FAAH2: variants seen among roughly 807,000 people sequenced by gnomAD.
The protein encoded by FAAH2 is fatty acid amide hydrolase 2.
A neutral mutation model predicts 36.9 loss-of-function variants in FAAH2; 60 were observed. The observed-to-expected ratio is 1.63, with a 90% CI of 1.32 to 2.02. The LOEUF (loss-of-function observed/expected upper bound fraction) is 2.02, where lower values mean the gene tolerates loss of function less well. Among genes scored for constraint, FAAH2 ranks in the 30% most tolerant of loss-of-function variants. The pLI is 0.00. For missense variants in FAAH2, 689 were observed against 397.5 expected, an observed-to-expected ratio of 1.73 and a Z score of -6.23; for synonymous variants, 214 against 143.8, an observed-to-expected ratio of 1.49 and a Z score of -3.49.
chrX:57,475,686 G>C (rs958655183), intron 10 of FAAH2, among the ~76,000 whole-genome samples: 3 of 111,638 alleles, frequency 2.7e-5, no homozygotes, highest in Non-Finnish European at 5.7e-5. Context: ...GCTCTTTTCT[G>C]GTTCCATATG....
At chrX:57,366,116 C>A (rs974949810) in intron 5 of FAAH2, among the ~76,000 whole-genome samples, 2 of 105,005 alleles carry the variant, frequency 1.9e-5, no homozygotes, top group Non-Finnish European at 4.0e-5. Context: ...TCTAATGTTG[C>A]CAGAGTTCTT....
At chrX:57,321,823 G>A (rs918892043) in intron 3 of FAAH2, among the ~76,000 whole-genome samples, 11 of 111,317 alleles carry the variant, frequency 9.9e-5, no homozygotes, top group African/African-American at 3.6e-4. Context: ...AGATTTGTTT[G>A]TGTTTTTGCT....
the FAAH2 span, among the ~76,000 whole-genome samples, chrX:57,255,488 G>A: frequency 8.1e-5 from 9 of 111,757 alleles, no homozygotes; most frequent in Non-Finnish European, 1.3e-4. Context: ...AGAATTTTAG[G>A]CCAATATCCC....
At chrX:57,217,064 T>A in the FAAH2 span, among the ~76,000 whole-genome samples, 1 of 111,472 alleles carries the variant, frequency 9.0e-6, no homozygotes, top group South Asian at 3.8e-4. Flanking sequence ...TGTTGGCCAT[T>A]TGTATATCTT....
intron 10 of FAAH2, among the ~76,000 whole-genome samples, chrX:57,460,508 A>G (rs2056939776): frequency 8.9e-6 from 1 of 111,955 alleles, no homozygotes; most frequent in Admixed American, 9.5e-5. Context: ...AGTATTCTCA[A>G]AGAAAAGAAT....
intron 7 of FAAH2, among the ~76,000 whole-genome samples, chrX:57,413,580 GT>G (rs1157575847): frequency 9.0e-6 from 1 of 111,347 alleles, no homozygotes; most frequent in Admixed American, 9.6e-5. Flanking sequence ...TTATCTATAT[GT>G]CTGTTTTGGT....
intron 2 of FAAH2, among the ~76,000 whole-genome samples, chrX:57,300,765 A>T (rs1436593717): frequency 8.9e-6 from 1 of 112,035 alleles, no homozygotes; most frequent in Non-Finnish European, 1.9e-5. Flanking sequence ...AATTTACAAG[A>T]AAAAAACAAA....
chrX:57,281,972 A>G (rs1331170318), upstream of FAAH2, among the ~76,000 whole-genome samples: 3 of 111,880 alleles, frequency 2.7e-5, no homozygotes, highest in Non-Finnish European at 5.6e-5. Context: ...TCTAATGTTG[A>G]TGGGCATTTC....
chrX:57,481,598 C>G (rs1306456495), intron 10 of FAAH2, among the ~76,000 whole-genome samples: 1 of 112,059 alleles, frequency 8.9e-6, no homozygotes, highest in East Asian at 2.8e-4. Context: ...TTGCTGCCTG[C>G]TCCTTCCTCT....
chrX:57,481,549 TC>T (rs2057379745), intron 10 of FAAH2, among the ~76,000 whole-genome samples: 1 of 112,184 alleles, frequency 8.9e-6, no homozygotes, highest in African/African-American at 3.2e-5. Context: ...GACCCTGTTC[TC>T]CTGGGTATCA....
intron 5 of FAAH2, among the ~76,000 whole-genome samples, chrX:57,370,397 T>C (rs1201193313): frequency 9.0e-6 from 1 of 111,320 alleles, no homozygotes; most frequent in Non-Finnish European, 1.9e-5. Flanking sequence ...CATTATATAA[T>C]GACAAAAGTT....
chrX:57,156,616 C>T, the FAAH2 span, among the ~76,000 whole-genome samples: 1 of 112,178 alleles, frequency 8.9e-6, no homozygotes, highest in African/African-American at 3.2e-5. Context: ...GCAGCCTGAG[C>T]CCTGGTATGC....
chrX:57,155,979 A>G, the FAAH2 span, among the ~76,000 whole-genome samples: 15 of 112,248 alleles, frequency 1.3e-4, no homozygotes, highest in Admixed American at 1.4e-3. Context: ...TCAGGGGTAC[A>G]TGATCCCCCT....
chrX:57,475,816 T>C (rs1239077395), intron 10 of FAAH2, among the ~76,000 whole-genome samples: 1 of 112,357 alleles, frequency 8.9e-6, no homozygotes, highest in Non-Finnish European at 1.9e-5. Flanking sequence ...TGATTCTTCC[T>C]ATCCATGAGC....
chrX:57,347,322 T>C (rs2053848313), intron 5 of FAAH2, among the ~76,000 whole-genome samples: 1 of 111,738 alleles, frequency 8.9e-6, no homozygotes, highest in Admixed American at 9.5e-5. Context: ...CTTTGAGCTC[T>C]ACGAATCTTT....
At chrX:57,328,869 G>T (rs1223739687) in intron 3 of FAAH2, among the ~76,000 whole-genome samples, 1 of 111,217 alleles carries the variant, frequency 9.0e-6, no homozygotes, top group Non-Finnish European at 1.9e-5. Flanking sequence ...TCTAACTCTG[G>T]GGGACTGGTA....
intron 10 of FAAH2, among the ~76,000 whole-genome samples, chrX:57,480,801 A>T (rs918619840): frequency 9.0e-6 from 1 of 110,780 alleles, no homozygotes. Context: ...TAGGTTGGGG[A>T]ATTTTCCTGG....
intron 7 of FAAH2, chrX:57,393,325 G>A (rs1044847337): frequency 3.9e-5 from 34 of 869,220 alleles, no homozygotes; most frequent in Non-Finnish European, 4.6e-5. Flanking sequence ...GGCCACCCCT[G>A]TGCATCTTTA....
At chrX:57,152,179 A>G in the FAAH2 span, among the ~76,000 whole-genome samples, 1 of 111,799 alleles carries the variant, frequency 8.9e-6, no homozygotes, top group African/African-American at 3.3e-5. Flanking sequence ...GTCTGCCCCT[A>G]CTGGGGGGTA....
Sources: allele counts gnomAD v4.1 joint callset (sites outside exome capture counted in the v4.1 genomes callset), GRCh38; gene constraint gnomAD v4.1.1; transcripts MANE v1.5; gene names NCBI Gene and HGNC (gene_info 2026-07-23, HGNC 2026-07-21).